The following ENPP6 variants were observed in gnomAD, a reference collection of about 807,000 sequenced individuals.
ENPP6 encodes ectonucleotide pyrophosphatase/phosphodiesterase 6, also known as glycerophosphocholine cholinephosphodiesterase ENPP6.
Under a neutral mutation model 42.0 loss-of-function variants are expected in ENPP6, and 32 were observed. The ratio of observed to expected loss-of-function variants is 0.76; its 90% CI spans 0.58 to 1.02. The LOEUF is 1.02. Among genes scored for constraint, ENPP6 ranks in the 50% least tolerant of loss-of-function variants. The probability of loss-of-function intolerance (pLI) is 0.00; values close to 1 mark genes in which losing one functional copy is unlikely to be tolerated. For missense variants in ENPP6, 552 were observed against 566.8 expected, an observed-to-expected ratio of 0.97 and a Z score of 0.27; for synonymous variants, 213 against 216.0, an observed-to-expected ratio of 0.99 and a Z score of 0.12.
intron 1 of ENPP6, among the ~76,000 whole-genome samples, chr4:184,190,734 C>T (rs1406175854): frequency 2.0e-5 from 3 of 151,956 alleles, no homozygotes; most frequent in African/African-American, 7.3e-5. Context: ...TCCCAGGTCC[C>T]CATAACCAAG....
intron 1 of ENPP6, among the ~76,000 whole-genome samples, chr4:184,168,963 A>G (rs1472941838): frequency 6.9e-6 from 1 of 145,674 alleles, no homozygotes; most frequent in Non-Finnish European, 1.5e-5. Flanking sequence ...TTTCCCTTTT[A>G]GGATATGTGC....
At chr4:184,141,281 G>A (rs1030703774) in intron 2 of ENPP6, among the ~76,000 whole-genome samples, 6 of 152,150 alleles carry the variant, frequency 3.9e-5, no homozygotes, top group African/African-American at 7.2e-5. Context: ...TGAAGTGGGC[G>A]AGCATTGCTC....
intron 7 of ENPP6, 148 bp downstream of exon 7, chr4:184,097,097 T>C: frequency 8.4e-7 from 1 of 1,194,898 alleles, no homozygotes; most frequent in Non-Finnish European, 1.2e-6. Flanking sequence ...AAAAGATGTT[T>C]CATGGAGACC....
chr4:184,175,964 T>C (rs1441557601), intron 1 of ENPP6, among the ~76,000 whole-genome samples: 1 of 151,412 alleles, frequency 6.6e-6, no homozygotes, highest in Non-Finnish European at 1.5e-5. Flanking sequence ...CTTTTTTTTT[T>C]CTTTGTACAG....
intron 1 of ENPP6, among the ~76,000 whole-genome samples, chr4:184,175,016 T>C (rs779141357): frequency 1.9e-4 from 29 of 152,258 alleles, no homozygotes; most frequent in Non-Finnish European, 2.9e-4. Flanking sequence ...GTGAGATTCC[T>C]AACAAGGCGC....
chr4:184,176,055 G>T (rs1737557665), intron 1 of ENPP6, among the ~76,000 whole-genome samples: 1 of 151,986 alleles, frequency 6.6e-6, no homozygotes, highest in East Asian at 1.9e-4. Context: ...TCCCCAAAAT[G>T]CTGGGATTAC....
chr4:184,131,222 C>CTTTCTTTCTTTCTT (rs1736619126), intron 2 of ENPP6, among the ~76,000 whole-genome samples: 1 of 79,734 alleles, frequency 1.3e-5, no homozygotes. Flanking sequence ...CTTTCTTTTT[C>CTTTCTTTCTTTCTT]TTTCTTTCTT....
At chr4:184,153,855 G>T in intron 1 of ENPP6, 122 bp from the exon 2 acceptor site, 14 of 1,130,254 alleles carry the variant, frequency 1.2e-5, no homozygotes, top group South Asian at 5.9e-5. Context: ...ATAAAGATTT[G>T]CTTTTGACTT....
chr4:184,163,134 C>T (rs532191824), intron 1 of ENPP6, among the ~76,000 whole-genome samples: 44 of 152,128 alleles, frequency 2.9e-4, no homozygotes, highest in Non-Finnish European at 5.6e-4. Context: ...AAAATCATGT[C>T]GATCACTTGG....
intron 5 of ENPP6, among the ~76,000 whole-genome samples, chr4:184,113,353 T>C (rs1162125713): frequency 6.6e-6 from 1 of 152,138 alleles, no homozygotes; most frequent in Non-Finnish European, 1.5e-5. Context: ...GCATATATGG[T>C]AAAACTGTAA....
chr4:184,124,579 C>T (rs571462318), intron 2 of ENPP6, among the ~76,000 whole-genome samples: 1 of 152,278 alleles, frequency 6.6e-6, no homozygotes, highest in South Asian at 2.1e-4. Flanking sequence ...TACACAAATA[C>T]CTCAATTGAA....
At chr4:184,209,367 TA>T (rs1318604645) in intron 1 of ENPP6, among the ~76,000 whole-genome samples, 3 of 148,640 alleles carry the variant, frequency 2.0e-5, no homozygotes, top group African/African-American at 7.5e-5. Context: ...ATAACTAGAA[TA>T]ACCAATACAG....
intron 1 of ENPP6, among the ~76,000 whole-genome samples, chr4:184,185,225 T>A (rs150526677): frequency 6.6e-6 from 1 of 152,302 alleles, no homozygotes; most frequent in East Asian, 1.9e-4. Context: ...CCCAGGACAG[T>A]CCTGGTTTAC....
intron 1 of ENPP6, among the ~76,000 whole-genome samples, chr4:184,215,896 G>A (rs953875971): frequency 6.6e-6 from 1 of 152,280 alleles, no homozygotes; most frequent in African/African-American, 2.4e-5. Flanking sequence ...TCAGCATGAC[G>A]GAGGCTGTGT....
chr4:184,138,108 T>G (rs1736759975), intron 2 of ENPP6, among the ~76,000 whole-genome samples: 1 of 152,252 alleles, frequency 6.6e-6, no homozygotes, highest in South Asian at 2.1e-4. Context: ...GAAATGCATG[T>G]CTTAATGAAA....
intron 6 of ENPP6, 84 bp from the exon 7 acceptor site, chr4:184,097,452 G>A (rs914922080): frequency 1.6e-5 from 25 of 1,569,326 alleles, no homozygotes; most frequent in African/African-American, 4.0e-5. Context: ...CCACTCCACC[G>A]GGGGGCGCTT....
At chr4:184,137,087 C>T (rs1392701048) in intron 2 of ENPP6, among the ~76,000 whole-genome samples, 1 of 152,100 alleles carries the variant, frequency 6.6e-6, no homozygotes, top group East Asian at 1.9e-4. Context: ...GTGATTTAGT[C>T]TTTTATCAGA....
chr4:184,164,068 C>T (rs1348316846), intron 1 of ENPP6, among the ~76,000 whole-genome samples: 2 of 152,172 alleles, frequency 1.3e-5, no homozygotes, highest in African/African-American at 2.4e-5. Flanking sequence ...GCGTCCTGTT[C>T]GCCTCTGGGA....
chr4:184,133,887 A>ATTTTTT (rs1736685326), intron 2 of ENPP6, among the ~76,000 whole-genome samples: 1 of 71,474 alleles, frequency 1.4e-5, no homozygotes. Context: ...TTTTTTTTTG[A>ATTTTTT]GATGGAGCCT....
Sources: allele counts gnomAD v4.1 joint callset (sites outside exome capture counted in the v4.1 genomes callset), GRCh38; gene constraint gnomAD v4.1.1; transcripts MANE v1.5; gene names NCBI Gene and HGNC (gene_info 2026-07-23, HGNC 2026-07-21).